Variants in PDE10A observed in about 807,000 individuals in gnomAD.
PDE10A encodes phosphodiesterase 10A.
PDE10A carries 39 observed loss-of-function variants against 97.7 expected under a neutral mutation model. The ratio of observed to expected loss-of-function variants is 0.40; its 90% CI spans 0.31 to 0.52. The LOEUF is 0.52. PDE10A is among the 20% of genes least tolerant of loss of function. PDE10A has a pLI of 0.56. For synonymous variants in PDE10A, 371 were observed against 376.8 expected, an observed-to-expected ratio of 0.98 and a Z score of 0.18; for missense variants, 731 against 1,047.8, an observed-to-expected ratio of 0.70 and a Z score of 4.17.
intron 6 of PDE10A, 114 bp downstream of exon 6, chr6:165,435,123 T>C: frequency 9.8e-7 from 1 of 1,020,832 alleles, no homozygotes; most frequent in Non-Finnish European, 1.4e-6. Context: ...TGTAACTAGC[T>C]TTAATGCTTT....
chr6:165,423,668 C>T (rs1279273881), intron 10 of PDE10A, among the ~76,000 whole-genome samples: 2 of 152,036 alleles, frequency 1.3e-5, no homozygotes, highest in Non-Finnish European at 2.9e-5. Flanking sequence ...GAGATTGAGA[C>T]CATCCTGGCC....
Position 165,543,714 on chromosome 6 carries a change from C to T in PDE10A, c.866-146G>A, listed in dbSNP as rs73250021. 2,460 of 569,552 alleles carry T rather than the reference C, an allele frequency of 4.3e-3. 54 individuals carry two copies. Among genetic ancestry groups the T allele is most frequent in the African/African-American group, 0.041 (2,156 of 52,074 alleles). The allele number at this position is 569,552 out of a possible 1,614,324, so 35.3% of individuals were successfully genotyped here. On this transcript the variant is annotated intron_variant, in intron 1 of 21. Coordinates refer to ENST00000539869, the MANE Select transcript of PDE10A (RefSeq NM_001385079.1). ...TGGAAAGAGCGGGAAGGGGAAGCTA[C>T]TGCTTAGTGGGTACAGAGTTTCTAC...
chr6:165,718,411 CA>C, intron 1 of PDE10A: 1 of 152,092 alleles, frequency 6.6e-6, no homozygotes, highest in South Asian at 2.1e-4. Context: ...CACACTGTCC[CA>C]AATCCCCAGA....
intron 1 of PDE10A, among the ~76,000 whole-genome samples, chr6:165,833,022 A>T (rs1779968018): frequency 6.6e-6 from 1 of 152,188 alleles, no homozygotes; most frequent in Non-Finnish European, 1.5e-5. Flanking sequence ...AAAACAATTA[A>T]CACCATCAAG....
At chr6:165,405,513 G>A (rs1460627473) in intron 13 of PDE10A, among the ~76,000 whole-genome samples, 2 of 152,176 alleles carry the variant, frequency 1.3e-5, no homozygotes, top group Non-Finnish European at 2.9e-5. Flanking sequence ...ACTATGCACT[G>A]TTCTAAGAGT....
intron 1 of PDE10A, among the ~76,000 whole-genome samples, chr6:165,634,102 G>C (rs1382504687): frequency 6.6e-6 from 1 of 152,104 alleles, no homozygotes; most frequent in Non-Finnish European, 1.5e-5. Flanking sequence ...CCTCCCTCAC[G>C]GCTTCTGTTT....
intron 1 of PDE10A, among the ~76,000 whole-genome samples, chr6:165,946,088 A>C (rs1783757090): frequency 6.6e-6 from 1 of 152,212 alleles, no homozygotes; most frequent in Non-Finnish European, 1.5e-5. Flanking sequence ...ATCATTGCCT[A>C]GACCAATGTC....
At chr6:165,665,719 TAA>T (rs1437091253), upstream of PDE10A, among the ~76,000 whole-genome samples, 2 of 151,842 alleles carry the variant, frequency 1.3e-5, no homozygotes, top group Admixed American at 1.3e-4. Flanking sequence ...AAAAGAATAT[TAA>T]GAGGGTAGTT....
chr6:165,890,738 T>G lies in PDE10A; in HGVS notation c.-615+96791A>C, dbSNP rs376960712. ...GTGAGAGGGTTAAAGGAACAGATAC[T>G]GGTACGGGTGGCCATATAAGGCCAT... is the stretch of plus-strand genomic sequence containing the variant. On this transcript the variant is annotated intron_variant, in intron 1 of 19. Transcript: ENST00000366882. Among the ~76,000 whole-genome samples the G allele has an allele frequency of 2.0e-5, 3 of 152,178 alleles. No individual in the cohort carries two copies. In the East Asian group the frequency reaches 5.8e-4, roughly 29 times the overall value.
intron 1 of PDE10A, among the ~76,000 whole-genome samples, chr6:165,708,851 C>G (rs1399045100): frequency 1.4e-5 from 1 of 71,454 alleles, no homozygotes; most frequent in East Asian, 5.1e-4. Context: ...CACTCTCCAC[C>G]GCCATGCTGC....
At position 165,874,839 on chromosome 6, in the gene PDE10A, C is replaced by T. The variant is rs573268247; in HGVS notation, c.-615+112690G>A. On this transcript the variant is annotated intron_variant, in intron 1 of 19. Coordinates refer to the PDE10A transcript ENST00000366882. Reference sequence around the variant, plus strand: ...TCCTTCTGGTAGCAGACATCAAATTCCCAAAGGCAATTTATAGGCTTATTT... The same window carrying T: ...TCCTTCTGGTAGCAGACATCAAATTTCCAAAGGCAATTTATAGGCTTATTT... Among the ~76,000 whole-genome samples, 6 of 152,180 alleles carry T rather than the reference C, an allele frequency of 3.9e-5. No homozygotes were observed. In the South Asian group the frequency reaches 1.2e-3, roughly 32 times the overall value.
At chr6:165,617,555 G>C (rs1344067927) in intron 1 of PDE10A, among the ~76,000 whole-genome samples, 2 of 152,088 alleles carry the variant, frequency 1.3e-5, no homozygotes, top group Non-Finnish European at 2.9e-5. Flanking sequence ...GTTAAAGTGG[G>C]GGAGGTGGGA....
In PDE10A at chr6:165,791,348, T is replaced by G. The variant is rs371967311; in HGVS notation, c.-615+196181A>C. ...CTCCAGGTTCACCTATGCTGCCACA[T>G]ATTGCAGAATGTCCTTCTTCTTAAG... On this transcript the variant is annotated intron_variant, in intron 1 of 19. Transcript: ENST00000366882. Among the ~76,000 whole-genome samples the G allele has an allele frequency of 2.2e-4, 33 of 152,158 alleles. 1 individual carries two copies. Among genetic ancestry groups the G allele is most frequent in the African/African-American group, 7.5e-4 (31 of 41,438 alleles).
chr6:165,598,803 A>G (rs570931563), intron 1 of PDE10A, among the ~76,000 whole-genome samples: 2 of 152,280 alleles, frequency 1.3e-5, no homozygotes, highest in Admixed American at 1.3e-4. Flanking sequence ...ATTTTAAACT[A>G]ATAGCCCAGC....
At chr6:165,357,009 GC>G in intron 18 of PDE10A, among the ~76,000 whole-genome samples, 1 of 152,192 alleles carries the variant, frequency 6.6e-6, no homozygotes, top group South Asian at 2.1e-4. Flanking sequence ...CATCACGGGG[GC>G]TATGATGTGT....
chr6:165,503,794 C>A (rs1004430203), intron 2 of PDE10A, among the ~76,000 whole-genome samples: 2 of 151,794 alleles, frequency 1.3e-5, no homozygotes, highest in African/African-American at 4.8e-5. Flanking sequence ...GACCAAGTAT[C>A]CAAAAGAAAT....
chr6:165,402,125 T>C (rs969749018), intron 13 of PDE10A, among the ~76,000 whole-genome samples: 87 of 152,318 alleles, frequency 5.7e-4, no homozygotes, highest in African/African-American at 2.0e-3. Context: ...TTGTATGCAT[T>C]ACTTCATGTC....
At chr6:165,527,378 T>G (rs549097658) in intron 2 of PDE10A, among the ~76,000 whole-genome samples, 1 of 152,296 alleles carries the variant, frequency 6.6e-6, no homozygotes, top group South Asian at 2.1e-4. Context: ...TTGGACTATA[T>G]GACCCAGCAG....
At chr6:165,619,279 G>C (rs1246089527) in intron 1 of PDE10A, among the ~76,000 whole-genome samples, 20 of 129,506 alleles carry the variant, frequency 1.5e-4, no homozygotes, top group African/African-American at 5.2e-4. Context: ...CTAGCGTAGT[G>C]TAGTCTAGCA....
Sources: gnomAD v4.1 joint callset for allele counts (sites outside exome capture counted in the v4.1 genomes callset) on GRCh38, gnomAD v4.1.1 for gene constraint, MANE v1.5 for transcripts, NCBI Gene and HGNC (gene_info 2026-07-23, HGNC 2026-07-21) for gene names.